The following PPEF2 variants were observed in gnomAD, a reference collection of about 807,000 sequenced individuals.
PPEF2 encodes protein phosphatase with EF-hand domain 2, also known as serine/threonine-protein phosphatase with EF-hands 2.
PPEF2 carries 84 observed loss-of-function variants against 84.7 expected under a neutral mutation model. That is an observed-to-expected ratio of 0.99 (90% confidence interval 0.83 to 1.19). The LOEUF is 1.19. Ranked by LOEUF, PPEF2 falls within the 50% of genes most tolerant of loss-of-function variation. The probability of loss-of-function intolerance (pLI) is 0.00; values close to 1 mark genes in which losing one functional copy is unlikely to be tolerated. For synonymous variants in PPEF2, 346 were observed against 345.2 expected (o/e 1.00, Z -0.03); for missense variants, 924 against 937.5 (o/e 0.99, Z 0.19).
At chr4:75,867,489 A>G (rs1724160011) in intron 13 of PPEF2, 70 bp from the exon 14 acceptor site, 1 of 1,135,252 alleles carries the variant, frequency 8.8e-7, no homozygotes, top group Non-Finnish European at 1.3e-6. Context: ...ATTTTACTAT[A>G]TTTCCACTCT....
chr4:75,898,558 C>T (rs1226479038), intron 1 of PPEF2, among the ~76,000 whole-genome samples: 2 of 152,206 alleles, frequency 1.3e-5, no homozygotes, highest in African/African-American at 4.8e-5. Flanking sequence ...CACTGCAATA[C>T]CATATTACAG....
rs144239293 is a variant in PPEF2 at position 75,890,070 on chromosome 4, A to G, written c.304T>C (p.Cys102Arg). ...RFAQDSEMKKCSDYESIEVPD... is the reference protein window; with the variant it reads ...RFAQDSEMKKRSDYESIEVPD... ...ACCTCTATGGATTCATAGTCACTGC[A>G]TTTCTTCATCTCGGAGTCCTGGGCG... The change falls in exon 5 of 17, where the codon TGC becomes CGC. Residue 102 changes from cysteine to arginine, a missense_variant. Physicochemically the swap from Cys to Arg is radical, Grantham distance 180. Coordinates refer to ENST00000286719, the MANE Select transcript of PPEF2 (RefSeq NM_006239.3). The G allele has an allele frequency of 2.5e-4, 399 of 1,613,692 alleles. 1 individual carries two copies. Among genetic ancestry groups the G allele is most frequent in the Non-Finnish European group, 3.2e-4 (380 of 1,179,948 alleles).
chr4:75,880,804 C>CTTT (rs34093421), intron 10 of PPEF2, among the ~76,000 whole-genome samples: 29 of 54,336 alleles, frequency 5.3e-4, no homozygotes, highest in Non-Finnish European at 9.8e-4. Context: ...CCTATAAATA[C>CTTT]TTTTTTTTTT....
chr4:75,872,016 A>C lies in PPEF2; in HGVS notation c.1649+9T>G. On this transcript the variant is annotated intron_variant, in intron 13 of 16. Coordinates refer to ENST00000286719, the MANE Select transcript of PPEF2 (RefSeq NM_006239.3). ...TTTTTTCTGAAAATCACTCATTGAA[A>C]AGTCTTGCCTTTGCCTCATGGTGAG... The C allele has an allele frequency of 6.4e-7, 1 of 1,565,840 alleles. No individual in the cohort carries two copies. Among genetic ancestry groups the C allele is most frequent in the Non-Finnish European group, 8.6e-7 (1 of 1,160,758 alleles).
At chr4:75,896,186 T>C in intron 2 of PPEF2, 85 bp downstream of exon 2, 1 of 1,472,204 alleles carries the variant, frequency 6.8e-7, no homozygotes, top group Non-Finnish European at 9.5e-7. Context: ...GTTTTTCTGC[T>C]TCTACCCTCA....
rs34920440 is a variant in PPEF2 at position 75,882,539 on chromosome 4, C to CTTT, written c.933+384_933+386dup. ...CCTAGCCCAACTGCAGGTTCTCAAT[C>CTTT]TTTTTTTTTTTTTTAGAAACAGGTT... On this transcript the variant is annotated intron_variant, in intron 10 of 16. Coordinates refer to ENST00000286719, the MANE Select transcript of PPEF2 (RefSeq NM_006239.3). Among the ~76,000 whole-genome samples, 627 of 148,906 alleles carry CTTT rather than the reference C, an allele frequency of 4.2e-3. 9 individuals are homozygous for CTTT. The highest frequency in any genetic ancestry group is 7.0e-3 in the Middle Eastern group (2 of 286).
rs1036150016 is a variant in PPEF2, at chr4:75,895,240, C to A, written c.55+1031G>T. Among the ~76,000 whole-genome samples, 11 of 148,824 alleles carry A rather than the reference C, an allele frequency of 7.4e-5. No individual in the cohort carries two copies. In the Admixed American group the frequency reaches 7.4e-4, roughly 10 times the overall value. On this transcript the variant is annotated intron_variant, in intron 2 of 16. Coordinates refer to ENST00000286719, the MANE Select transcript of PPEF2 (RefSeq NM_006239.3). ...GTCAGGAGTTCGAGACCAGCCTGGT[C>A]AACATGGTGAAGCCCCGTCTCTACT...
intron 16 of PPEF2, among the ~76,000 whole-genome samples, chr4:75,861,162 G>A (rs1404922377): frequency 1.3e-5 from 2 of 152,050 alleles, no homozygotes; most frequent in African/African-American, 2.4e-5. Context: ...AGACATTGTT[G>A]TTTGTTATGA....
At chr4:75,883,893 G>T (rs1475714537) in intron 8 of PPEF2, among the ~76,000 whole-genome samples, 1 of 150,640 alleles carries the variant, frequency 6.6e-6, no homozygotes, top group African/African-American at 2.4e-5. Context: ...ACTTCGGGAG[G>T]CTGGGACGGG....
At chr4:75,895,127 ATTTTTT>A (rs34515110) in intron 2 of PPEF2, among the ~76,000 whole-genome samples, 1 of 129,272 alleles carries the variant, frequency 7.7e-6, no homozygotes, top group Non-Finnish European at 1.6e-5. Context: ...CAGCTAATTA[ATTTTTT>A]TTTTTTTTTT....
intron 6 of PPEF2, among the ~76,000 whole-genome samples, chr4:75,887,233 T>C (rs1724751539): frequency 2.0e-5 from 3 of 152,232 alleles, no homozygotes; most frequent in African/African-American, 7.2e-5. Context: ...TACTCACTTA[T>C]GAGCCAGTGT....
At position 75,876,702 on chromosome 4, in the gene PPEF2, G is replaced by C. The variant is rs758959663; in HGVS notation, c.934-29C>G. 1.1e-5 allele frequency: 17 copies of C among 1,511,028 alleles called. No individual in the cohort carries two copies. The South Asian group carries it at 2.2e-4, about 19-fold the overall frequency. 93.6% of individuals were successfully genotyped at this position (1,511,028 alleles called of 1,614,324 possible). On this transcript the variant is annotated intron_variant, in intron 10 of 16. Transcript: ENST00000286719. ...AACACGTCCAGAAAGAGATACAGAT[G>C]CTGGAATGAAACTGTAGGCCCAGAC...
Position 75,866,285 on chromosome 4 carries a change from C to A in PPEF2, c.1824G>T (p.Arg608=). The change falls in exon 15 of 17, where the codon CGG becomes CGT. Residue 608 remains arginine (R), a synonymous_variant. Coordinates refer to ENST00000286719, the MANE Select transcript of PPEF2 (RefSeq NM_006239.3). ...TGTTCACCAGCTGTGGCCTCAGCAT[C>A]CGCCATGGCAGTCCTAGGTGCAACA... ...ESVLHLGLPW[R]MLRPQLVNSS... is the part of the protein sequence containing the mutation. 6.2e-7 allele frequency: 1 copy of A among 1,614,190 alleles called. No homozygotes were observed. Among genetic ancestry groups the A allele is most frequent in the Non-Finnish European group, 8.5e-7 (1 of 1,180,036 alleles).
rs1553907947 is a variant in PPEF2 at position 75,881,102 on chromosome 4, A to AC, written c.933+1823_933+1824insG. The stretch of plus-strand genomic sequence containing the variant: ...GGCATGAGCCACCGCATCCAGCATA[A>AC]TTTTTTTTTTTTTTTGACATGGAGT... On this transcript the variant is annotated intron_variant, in intron 10 of 16. Coordinates refer to ENST00000286719, the MANE Select transcript of PPEF2 (RefSeq NM_006239.3). 1.2e-3 allele frequency among the ~76,000 whole-genome samples: 160 copies of AC among 138,156 alleles called. 1 individual carries two copies. The highest frequency in any genetic ancestry group is 3.8e-3 in the African/African-American group (140 of 36,754). 90.6% of individuals were successfully genotyped at this position (138,156 alleles called of 152,430 possible).
intron 8 of PPEF2, 122 bp from the exon 9 acceptor site, chr4:75,883,324 G>T: frequency 1.1e-6 from 1 of 875,208 alleles, no homozygotes; most frequent in Non-Finnish European, 1.8e-6. Flanking sequence ...AAAAGAGACT[G>T]AGGAATAATC....
rs1454657966 is a variant in PPEF2, at chr4:75,860,354, T to TA, written c.*312dup. The TA allele has an allele frequency of 3.2e-6, 1 of 312,508 alleles. No homozygotes were observed. Among genetic ancestry groups the TA allele is most frequent in the Non-Finnish European group, 6.0e-6 (1 of 167,928 alleles). 19.4% of individuals were successfully genotyped at this position (312,508 alleles called of 1,614,324 possible). ...AGAAACTCCATCTCAAAAAAACGTATAAAATGAAAACAATGAGAGAGTTAC... is the reference window on the plus strand; with the variant it reads ...AGAAACTCCATCTCAAAAAAACGTATAAAAATGAAAACAATGAGAGAGTTAC... On this transcript the variant is annotated 3_prime_UTR_variant, in exon 17 of 17. Coordinates refer to ENST00000286719, the MANE Select transcript of PPEF2 (RefSeq NM_006239.3).
At chr4:75,862,505 T>A (rs1456585185) in intron 16 of PPEF2, among the ~76,000 whole-genome samples, 1 of 151,900 alleles carries the variant, frequency 6.6e-6, no homozygotes, top group Non-Finnish European at 1.5e-5. Context: ...GAATAGACAT[T>A]TCTCCAAAAG....
chr4:75,896,639 G>A (rs546463119), intron 1 of PPEF2, among the ~76,000 whole-genome samples: 20 of 152,004 alleles, frequency 1.3e-4, no homozygotes, highest in African/African-American at 3.1e-4. Flanking sequence ...CAATTCATCC[G>A]CCACCTCCTC....
At position 75,876,499 on chromosome 4, in the gene PPEF2, T is replaced by C. The variant is rs201373553; in HGVS notation, c.1108A>G (p.Ser370Gly). Residue 370 changes from serine to glycine, a missense_variant, in exon 11 of 17, where the codon AGC becomes GGC. Transcript: ENST00000286719. ...CTGCAGGGGATGCTGGAGGACCTGC[T>C]GGTTTTCTGGGCCTTGTAGGAGCCA... ...RLGSYKAQKT[S>G]RSSSIPCSGS... 177 of 1,614,030 alleles carry C rather than the reference T, an allele frequency of 1.1e-4. 3 individuals are homozygous for C. In the African/African-American group the frequency reaches 2.1e-3, roughly 20 times the overall value.
Sources: allele counts gnomAD v4.1 joint callset (sites outside exome capture counted in the v4.1 genomes callset), GRCh38; gene constraint gnomAD v4.1.1; transcripts MANE v1.5; gene names NCBI Gene and HGNC (gene_info 2026-07-23, HGNC 2026-07-21).